DPP10: variants seen among roughly 807,000 people sequenced by gnomAD.
DPP10 encodes the protein dipeptidyl peptidase like 10, also known as inactive dipeptidyl peptidase 10.
A neutral mutation model predicts 120.9 loss-of-function variants in DPP10; 33 were observed. The ratio of observed to expected loss-of-function variants is 0.27; its 90% CI spans 0.21 to 0.37. The LOEUF is 0.37. Among genes scored for constraint, DPP10 ranks in the 10% least tolerant of loss-of-function variants. The probability of loss-of-function intolerance (pLI) is 1.00; values close to 1 mark genes in which losing one functional copy is unlikely to be tolerated. For missense variants in DPP10, 816 were observed against 942.8 expected (o/e 0.87, Z 1.76); for synonymous variants, 337 against 326.1 (o/e 1.03, Z -0.36).
intron 5 of DPP10, among the ~76,000 whole-genome samples, chr2:115,625,536 A>G (rs1167845338): frequency 6.6e-6 from 1 of 152,182 alleles, no homozygotes; most frequent in Non-Finnish European, 1.5e-5. Context: ...GAAAAGTTAA[A>G]TAGTTGTGGG....
At chr2:114,846,757 A>C (rs775690154) in intron 1 of DPP10, among the ~76,000 whole-genome samples, 1 of 152,118 alleles carries the variant, frequency 6.6e-6, no homozygotes, top group Non-Finnish European at 1.5e-5. Context: ...GTTCATAGAA[A>C]AGTGAAGGAG....
intron 1 of DPP10, among the ~76,000 whole-genome samples, chr2:115,209,779 G>T (rs2056385814): frequency 1.3e-5 from 2 of 152,126 alleles, no homozygotes; most frequent in African/African-American, 4.8e-5. Flanking sequence ...GTAGATGCAA[G>T]AAAAATCAGC....
chr2:115,174,928 G>A (rs1446138062), intron 1 of DPP10, among the ~76,000 whole-genome samples: 1 of 152,176 alleles, frequency 6.6e-6, no homozygotes, highest in African/African-American at 2.4e-5. Flanking sequence ...TGTCTATGAA[G>A]GCTAGAGGAG....
chr2:115,222,730 T>C (rs1404199781), intron 1 of DPP10, among the ~76,000 whole-genome samples: 1 of 152,106 alleles, frequency 6.6e-6, no homozygotes, highest in African/African-American at 2.4e-5. Flanking sequence ...ATGAACAGCA[T>C]TAAAAAAAAG....
chr2:115,618,001 C>T (rs1056761170), intron 5 of DPP10, among the ~76,000 whole-genome samples: 1 of 152,126 alleles, frequency 6.6e-6, no homozygotes, highest in Non-Finnish European at 1.5e-5. Context: ...TTACAAGACA[C>T]CTATGTGATA....
intron 7 of DPP10, among the ~76,000 whole-genome samples, chr2:115,699,139 T>C (rs1415904062): frequency 6.6e-6 from 1 of 151,416 alleles, no homozygotes; most frequent in African/African-American, 2.4e-5. Context: ...AATAGTACTA[T>C]GAACAATTGT....
At chr2:115,183,176 A>G (rs1351384808) in intron 1 of DPP10, among the ~76,000 whole-genome samples, 1 of 152,206 alleles carries the variant, frequency 6.6e-6, no homozygotes, top group Non-Finnish European at 1.5e-5. Context: ...ATAGAGGAAA[A>G]TTACCTACTG....
chr2:115,576,967 C>T (rs1053549629), intron 5 of DPP10, among the ~76,000 whole-genome samples: 2 of 152,162 alleles, frequency 1.3e-5, no homozygotes, highest in Non-Finnish European at 2.9e-5. Flanking sequence ...CAATCTGGGA[C>T]AAAATGAATG....
intron 3 of DPP10, among the ~76,000 whole-genome samples, chr2:115,412,588 G>A (rs2104592458): frequency 6.6e-6 from 1 of 152,242 alleles, no homozygotes; most frequent in East Asian, 1.9e-4. Flanking sequence ...GAATACAGTT[G>A]CATATGATAA....
At chr2:115,067,802 C>G (rs1370550346) in intron 1 of DPP10, among the ~76,000 whole-genome samples, 1 of 137,238 alleles carries the variant, frequency 7.3e-6, no homozygotes, top group Non-Finnish European at 1.5e-5. Context: ...GCGGAGCTTG[C>G]AGTGAGCTGA....
intron 1 of DPP10, among the ~76,000 whole-genome samples, chr2:115,302,279 T>C (rs2061173897): frequency 6.6e-6 from 1 of 152,058 alleles, no homozygotes; most frequent in Non-Finnish European, 1.5e-5. Context: ...CATGATATTT[T>C]GGTAGGGCCA....
intron 2 of DPP10, among the ~76,000 whole-genome samples, chr2:115,336,436 A>G (rs548932017): frequency 1.3e-5 from 2 of 152,108 alleles, no homozygotes; most frequent in African/African-American, 2.4e-5. Flanking sequence ...GTTAAACCAT[A>G]TATTTATTTG....
At chr2:115,375,260 C>A (rs1461674429) in intron 3 of DPP10, among the ~76,000 whole-genome samples, 1 of 152,172 alleles carries the variant, frequency 6.6e-6, no homozygotes, top group African/African-American at 2.4e-5. Flanking sequence ...CCTAAATAAT[C>A]TCTCTCAAGT....
At position 115,747,205 on chromosome 2, in the gene DPP10, G is replaced by T. The variant is rs115945362; in HGVS notation, c.950+1022G>T. On this transcript the variant is annotated intron_variant, in intron 10 of 25. Coordinates refer to ENST00000410059, the MANE Select transcript of DPP10 (RefSeq NM_020868.6). Reference sequence around the variant, plus strand: ...GTGAGAGTAAATGATTTAGATTAGGGGCTCAGGACTCATTGATAAGAAAAG... The same window carrying T: ...GTGAGAGTAAATGATTTAGATTAGGTGCTCAGGACTCATTGATAAGAAAAG... 4.5e-3 allele frequency among the ~76,000 whole-genome samples: 683 copies of T among 152,202 alleles called. 4 individuals are homozygous for T. Among genetic ancestry groups the T allele is most frequent in the Admixed American group, 7.1e-3 (108 of 15,284 alleles).
chr2:115,086,107 A>T (rs1489541869), intron 1 of DPP10, among the ~76,000 whole-genome samples: 1 of 152,242 alleles, frequency 6.6e-6, no homozygotes, highest in African/African-American at 2.4e-5. Flanking sequence ...AAAGATCTGC[A>T]TCTGTAAAGA....
At chr2:114,879,647 G>A (rs1469868208) in intron 1 of DPP10, among the ~76,000 whole-genome samples, 1 of 152,038 alleles carries the variant, frequency 6.6e-6, no homozygotes, top group Non-Finnish European at 1.5e-5. Context: ...CTTCATCGTG[G>A]TGGGGGTCTT....
intron 1 of DPP10, among the ~76,000 whole-genome samples, chr2:115,056,839 T>G (rs2105369816): frequency 6.6e-6 from 1 of 152,354 alleles, no homozygotes; most frequent in South Asian, 2.1e-4. Flanking sequence ...TAGCCATGTC[T>G]ACATTTACAA....
chr2:115,836,309 G>A (rs751512086), intron 22 of DPP10, 53 bp downstream of exon 22: 78 of 1,523,626 alleles, frequency 5.1e-5, no homozygotes, highest in Non-Finnish European at 6.1e-5. Flanking sequence ...TGTAGAAAAC[G>A]AAAGCCCAAT....
chr2:114,854,888 A>G (rs1689252431), intron 1 of DPP10, among the ~76,000 whole-genome samples: 2 of 152,334 alleles, frequency 1.3e-5, no homozygotes, highest in East Asian at 3.9e-4. Flanking sequence ...GAGAGTATGT[A>G]CACATTTGTG....
Sources: gnomAD v4.1 joint callset for allele counts (sites outside exome capture counted in the v4.1 genomes callset) on GRCh38, gnomAD v4.1.1 for gene constraint, MANE v1.5 for transcripts, NCBI Gene and HGNC (gene_info 2026-07-23, HGNC 2026-07-21) for gene names.